Variants in ANAPC4 observed in about 807,000 individuals in gnomAD.
The protein encoded by ANAPC4 is anaphase promoting complex subunit 4, also known as anaphase-promoting complex subunit 4.
In ANAPC4, 63 loss-of-function variants were observed where a neutral mutation model predicts 119.8. The observed-to-expected ratio is 0.53, with a 90% CI of 0.43 to 0.65. ANAPC4 has a LOEUF of 0.65. Among genes scored for constraint, ANAPC4 ranks in the 30% least tolerant of loss-of-function variants. ANAPC4 has a pLI of 0.00. For missense variants in ANAPC4, 716 were observed against 945.1 expected (o/e 0.76, Z 3.18); for synonymous variants, 283 against 318.6 (o/e 0.89, Z 1.19).
chr4:25,384,513 A>T (rs547168525), intron 4 of ANAPC4, among the ~76,000 whole-genome samples: 34 of 152,300 alleles, frequency 2.2e-4, no homozygotes, highest in African/African-American at 7.5e-4. Flanking sequence ...AGCTTTATGA[A>T]ATGTTTTTCT....
chr4:25,408,384 T>C (rs1039815976), intron 20 of ANAPC4, among the ~76,000 whole-genome samples: 1 of 152,160 alleles, frequency 6.6e-6, no homozygotes, highest in Non-Finnish European at 1.5e-5. Context: ...TTGGGAAGTA[T>C]TGGTTCCCTG....
At chr4:25,408,863 T>G (rs57833282) in intron 20 of ANAPC4, among the ~76,000 whole-genome samples, 61,744 of 152,088 alleles carry the variant, frequency 0.41, 14,586 homozygotes, top group Non-Finnish European at 0.52. Flanking sequence ...TAGCAAAAGT[T>G]CCTATGTATA....
chr4:25,394,045 G>A (rs1318633063), intron 11 of ANAPC4, among the ~76,000 whole-genome samples, 154 bp downstream of exon 11: 2 of 152,196 alleles, frequency 1.3e-5, no homozygotes, highest in Non-Finnish European at 2.9e-5. Flanking sequence ...TGCTTCCTCA[G>A]ATTTGCCAAA....
chr4:25,384,498 G>C (rs765182206), intron 4 of ANAPC4, among the ~76,000 whole-genome samples: 3 of 152,212 alleles, frequency 2.0e-5, no homozygotes, highest in Non-Finnish European at 4.4e-5. Flanking sequence ...CGCTATGTCA[G>C]CTCTAGCTTT....
Position 25,414,657 on chromosome 4 carries a change from C to T in ANAPC4, c.1783C>T (p.Leu595Phe). The T allele has an allele frequency of 1.3e-6, 2 of 1,551,604 alleles. No individual in the cohort carries two copies. The highest frequency in any genetic ancestry group is 1.8e-6 in the Non-Finnish European group (2 of 1,141,096). The change falls in exon 25 of 29, where the codon CTT becomes TTT. Residue 595 changes from leucine (L) to phenylalanine (F), a missense_variant. Leu to Phe is a conservative substitution (Grantham distance 22). This residue lies in a region of ANAPC4 where 504 missense variants were observed against 615.8 expected (regional missense o/e 0.82). Coordinates refer to ENST00000315368, the MANE Select transcript of ANAPC4 (RefSeq NM_013367.3). The part of the protein sequence containing the change: ...YLLFTILEDS[L>F]YKMCILRRHT... ...TCTTTTTACTATTCTAGAAGATTCA[C>T]TTTATAAAATGTGCATCTTAAGGAG...
chr4:25,393,873 T>C lies in ANAPC4; in HGVS notation c.858T>C (p.Arg286=). The change falls in exon 11 of 29, where the codon CGT becomes CGC. Residue 286 remains arginine (R), a synonymous_variant. Transcript: ENST00000315368. ...AAATACTAATGCAGATGGATTCTCG[T>C]CTCACCAAGTTTGTGCAGGTAAAGC... ...WEEILMQMDS[R]LTKFVQEKNT... The C allele has an allele frequency of 6.2e-7, 1 of 1,610,888 alleles. No individual in the cohort carries two copies. Among genetic ancestry groups the C allele is most frequent in the Non-Finnish European group, 8.5e-7 (1 of 1,178,400 alleles).
At chr4:25,415,606 G>C (rs766470729) in intron 26 of ANAPC4, 66 bp downstream of exon 26, 183 of 1,415,354 alleles carry the variant, frequency 1.3e-4, no homozygotes, top group Non-Finnish European at 1.7e-4. Flanking sequence ...TTTAGGAATA[G>C]GATCAGACTC....
At chr4:25,401,466 C>T (rs1043307999) in intron 16 of ANAPC4, among the ~76,000 whole-genome samples, 1 of 152,160 alleles carries the variant, frequency 6.6e-6, no homozygotes, top group Non-Finnish European at 1.5e-5. Flanking sequence ...GAGGAAAGAA[C>T]GTATTGACCA....
chr4:25,393,852 A>G lies in ANAPC4; in HGVS notation c.837A>G (p.Ile279Met). 6.2e-7 allele frequency: 1 copy of G among 1,611,532 alleles called. No homozygotes were observed. Among genetic ancestry groups the G allele is most frequent in the Non-Finnish European group, 8.5e-7 (1 of 1,178,802 alleles). ...LTCMCEAWEE[I>M]LMQMDSRLTK... is the part of the protein sequence containing the mutation. Reference sequence around the variant, plus strand: ...GTATGTGTGAAGCATGGGAAGAAATACTAATGCAGATGGATTCTCGTCTCA... The same window carrying G: ...GTATGTGTGAAGCATGGGAAGAAATGCTAATGCAGATGGATTCTCGTCTCA... Residue 279 changes from isoleucine to methionine, a missense_variant, in exon 11 of 29, where the codon ATA (isoleucine) becomes ATG (methionine). Coordinates refer to ENST00000315368, the MANE Select transcript of ANAPC4 (RefSeq NM_013367.3).
intron 8 of ANAPC4, among the ~76,000 whole-genome samples, chr4:25,390,533 G>A (rs1191522164): frequency 6.6e-6 from 1 of 152,162 alleles, no homozygotes; most frequent in Non-Finnish European, 1.5e-5. Context: ...TGATTGGAAT[G>A]TAAATCTTCA....
chr4:25,397,716 G>T (rs1722734235), intron 16 of ANAPC4, among the ~76,000 whole-genome samples: 1 of 150,806 alleles, frequency 6.6e-6, no homozygotes, highest in African/African-American at 2.4e-5. Context: ...TGGAAGGTCT[G>T]GTGCTTCTAA....
At chr4:25,385,494 A>G (rs1439642098) in intron 4 of ANAPC4, among the ~76,000 whole-genome samples, 1 of 152,228 alleles carries the variant, frequency 6.6e-6, no homozygotes, top group Non-Finnish European at 1.5e-5. Flanking sequence ...GCCTTACTCT[A>G]GATTAGGCTT....
intron 16 of ANAPC4, among the ~76,000 whole-genome samples, chr4:25,400,884 A>G (rs1054413490): frequency 6.6e-6 from 1 of 152,084 alleles, no homozygotes; most frequent in Admixed American, 6.5e-5. Flanking sequence ...GTGTTTGGTC[A>G]GTGGGATGCT....
intron 2 of ANAPC4, 91 bp from the exon 3 acceptor site, chr4:25,380,283 C>A: frequency 1.2e-6 from 1 of 863,008 alleles, no homozygotes; most frequent in Non-Finnish European, 1.8e-6. Context: ...GAGAGATGGT[C>A]ATTTAAAAAA....
At chr4:25,411,437 T>A (rs1723560278) in intron 21 of ANAPC4, among the ~76,000 whole-genome samples, 1 of 152,224 alleles carries the variant, frequency 6.6e-6, no homozygotes, top group Admixed American at 6.5e-5. Context: ...TTGAGTTCCA[T>A]AATGAATTCT....
intron 16 of ANAPC4, among the ~76,000 whole-genome samples, chr4:25,399,342 T>G (rs750921450): frequency 6.6e-6 from 1 of 152,222 alleles, no homozygotes; most frequent in African/African-American, 2.4e-5. Flanking sequence ...CGTATTTGTT[T>G]TAGTTGCTGT....
intron 16 of ANAPC4, among the ~76,000 whole-genome samples, chr4:25,400,935 C>T (rs1722930805): frequency 6.6e-6 from 1 of 152,002 alleles, no homozygotes; most frequent in South Asian, 2.1e-4. Flanking sequence ...GTGATGACAG[C>T]CTCTGGGGTG....
chr4:25,413,533 T>A, intron 21 of ANAPC4, 112 bp from the exon 22 acceptor site: 26 of 670,534 alleles, frequency 3.9e-5, no homozygotes, highest in East Asian at 6.6e-5. Context: ...TCAGTGAAAA[T>A]TCTACCTCGA....
intron 24 of ANAPC4, 36 bp downstream of exon 24, chr4:25,414,540 A>G: frequency 6.3e-7 from 1 of 1,581,500 alleles, no homozygotes; most frequent in Non-Finnish European, 8.6e-7. Flanking sequence ...TGAGTGAACA[A>G]TACAATTTTG....
Sources: allele counts gnomAD v4.1 joint callset (sites outside exome capture counted in the v4.1 genomes callset), GRCh38; gene constraint gnomAD v4.1.1; regional missense constraint gnomAD v4.1.1; transcripts MANE v1.5; gene names NCBI Gene and HGNC (gene_info 2026-07-23, HGNC 2026-07-21).